Variants in LAMP1 observed in about 807,000 individuals in gnomAD.
LAMP1 encodes lysosome-associated membrane glycoprotein 1.
LAMP1 carries 7 observed loss-of-function variants against 37.5 expected under a neutral mutation model. The ratio of observed to expected loss-of-function variants is 0.19; its 90% CI spans 0.11 to 0.35. The LOEUF is 0.35. LAMP1 is among the 10% of genes least tolerant of loss of function. The probability of loss-of-function intolerance (pLI) is 1.00; values close to 1 mark genes in which losing one functional copy is unlikely to be tolerated. For synonymous variants in LAMP1, 236 were observed against 229.1 expected (o/e 1.03, Z -0.27); for missense variants, 537 against 552.8 (o/e 0.97, Z 0.29).
chr13:113,319,552 A>G lies in LAMP1; in HGVS notation c.646A>G (p.Ser216Gly). Residue 216 changes from serine to glycine, a missense_variant, in exon 5 of 9, where the codon AGC becomes GGC. Coordinates refer to ENST00000332556, the MANE Select transcript of LAMP1 (RefSeq NM_005561.4). Reference sequence around the variant, plus strand: ...CCCCTCGCCCTCACCCGTGCCCAAGAGCCCCTCTGTGGACAAGTACAACGT... The same window carrying G: ...CCCCTCGCCCTCACCCGTGCCCAAGGGCCCCTCTGTGGACAAGTACAACGT... ...PSPSPSPVPK[S>G]PSVDKYNVSG... is the part of the protein sequence containing the mutation. 2 of 1,613,960 alleles carry G rather than the reference A, an allele frequency of 1.2e-6. No individual in the cohort carries two copies. Among genetic ancestry groups the G allele is most frequent in the Admixed American group, 1.7e-5 (1 of 60,004 alleles).
chr13:113,312,852 C>T (rs1232493407), intron 4 of LAMP1, among the ~76,000 whole-genome samples: 1 of 152,156 alleles, frequency 6.6e-6, no homozygotes, highest in Non-Finnish European at 1.5e-5. Flanking sequence ...ATAACTTCAG[C>T]TAGGGGCAGT....
At position 113,310,878 on chromosome 13, in the gene LAMP1, G is replaced by A; in HGVS notation, c.562+11G>A. ...GCTTCAGCCGGGGAGGTAGGACGCT[G>A]ACCCTTGGCCCTCTGGTGCTAGTGG... is the stretch of plus-strand genomic sequence containing the variant. On this transcript the variant is annotated intron_variant, in intron 4 of 8. Coordinates refer to ENST00000332556, the MANE Select transcript of LAMP1 (RefSeq NM_005561.4). 6.2e-7 allele frequency: 1 copy of A among 1,611,816 alleles called. No individual in the cohort carries two copies.
intron 1 of LAMP1, among the ~76,000 whole-genome samples, chr13:113,303,520 G>T (rs1314944929): frequency 6.6e-6 from 1 of 150,946 alleles, no homozygotes; most frequent in African/African-American, 2.4e-5. Context: ...GAGGTTTTTT[G>T]TCTTTTTTTT....
At chr13:113,310,652 CAT>C in intron 3 of LAMP1, 55 bp from the exon 4 acceptor site, 2 of 1,222,466 alleles carry the variant, frequency 1.6e-6, no homozygotes, top group Non-Finnish European at 2.2e-6. Flanking sequence ...ATAAAAAACA[CAT>C]AAACTAAGTA....
At position 113,309,757 on chromosome 13, in the gene LAMP1, C is replaced by T; in HGVS notation, c.298C>T (p.Leu100Phe). ...GATTGCTTTTGGAAGAGGACATACA[C>T]TCACTCTCAATTTCACGAGAAATGC... ...LVIAFGRGHT[L>F]TLNFTRNATR... is the part of the protein sequence containing the mutation. Residue 100 changes from leucine (L) to phenylalanine (F), a missense_variant, in exon 3 of 9, where the codon CTC becomes TTC. Physicochemically the swap from Leu to Phe is conservative, Grantham distance 22 (BLOSUM62 0). Coordinates refer to ENST00000332556, the MANE Select transcript of LAMP1 (RefSeq NM_005561.4). 1 of 1,614,130 alleles carries T rather than the reference C, an allele frequency of 6.2e-7. No homozygotes were observed. The highest frequency in any genetic ancestry group is 8.5e-7 in the Non-Finnish European group (1 of 1,179,976).
At position 113,321,910 on chromosome 13, in the gene LAMP1, GTC is replaced by G; in HGVS notation, c.1114+188_1114+189del. On this transcript the variant is annotated intron_variant, in intron 8 of 8. Transcript: ENST00000332556. The surrounding 1 kb of genome is among the most constrained non-coding windows in gnomAD (Gnocchi z 5.6). ...CCCCTGCTTTAGAGAGGCCCAGCGT[GTC>G]TCTCAGCTGGGAGCCCCTGGTACCA... is the stretch of plus-strand genomic sequence containing the variant. 2 of 629,980 alleles carry G rather than the reference GTC, an allele frequency of 3.2e-6. No homozygotes were observed. The highest frequency in any genetic ancestry group is 5.5e-6 in the Non-Finnish European group (2 of 365,456). The allele number at this position is 629,980 out of a possible 1,614,324, so 39.0% of individuals were successfully genotyped here.
intron 4 of LAMP1, among the ~76,000 whole-genome samples, chr13:113,313,455 C>T (rs925317819): frequency 6.6e-6 from 1 of 152,256 alleles, no homozygotes; most frequent in Non-Finnish European, 1.5e-5. Context: ...CATGTGATTC[C>T]AAATGGAAAA....
At chr13:113,303,516 T>A (rs1226762078) in intron 1 of LAMP1, among the ~76,000 whole-genome samples, 1 of 151,942 alleles carries the variant, frequency 6.6e-6, no homozygotes, top group Non-Finnish European at 1.5e-5. Context: ...ACTTGAGGTT[T>A]TTTGTCTTTT....
chr13:113,302,926 G>A (rs1459286380), intron 1 of LAMP1, among the ~76,000 whole-genome samples: 2 of 152,220 alleles, frequency 1.3e-5, no homozygotes, highest in Non-Finnish European at 2.9e-5. Flanking sequence ...CATGATAACT[G>A]GGATGTGCTT....
chr13:113,298,571 A>G (rs1167889630), intron 1 of LAMP1, among the ~76,000 whole-genome samples: 1 of 152,172 alleles, frequency 6.6e-6, no homozygotes, highest in Non-Finnish European at 1.5e-5. Flanking sequence ...AGTCCCATCC[A>G]GCTGTAAAAC....
Position 113,297,459 on chromosome 13 carries a change from C to G in LAMP1, c.25C>G (p.Arg9Gly). The G allele has an allele frequency of 8.4e-7, 1 of 1,189,582 alleles. No individual in the cohort carries two copies. Among genetic ancestry groups the G allele is most frequent in the Middle Eastern group, 3.2e-4 (1 of 3,136 alleles). The allele number at this position is 1,189,582 out of a possible 1,614,324, so 73.7% of individuals were successfully genotyped here. A position where few individuals can be genotyped will look rare whatever the true frequency, so the allele number is the denominator to read the frequency against. MAAPGSAR[R>G]PLLLLLLLLL... ...CATGGCGGCCCCCGGCAGCGCCCGG[C>G]GACCCCTGCTGCTGCTACTGCTGTT... The change falls in exon 1 of 9, where the codon CGA becomes GGA. Residue 9 changes from arginine to glycine, a missense_variant. Transcript: ENST00000332556. The surrounding 1 kb of genome is among the most constrained non-coding windows in gnomAD (Gnocchi z 4.4).
At position 113,321,347 on chromosome 13, in the gene LAMP1, T is replaced by TAA; in HGVS notation, c.877-55_877-54dup. On this transcript the variant is annotated intron_variant, in intron 6 of 8. Coordinates refer to ENST00000332556, the MANE Select transcript of LAMP1 (RefSeq NM_005561.4). This position sits in a 1 kb window ranked among gnomAD's most constrained non-coding sequence, Gnocchi z 5.6. ...GATAAATGTGTGAATCTACTGGGGT[T>TAA]AAAGATCATCTTTCTATGAATCTGC... The TAA allele has an allele frequency of 7.2e-7, 1 of 1,396,546 alleles. No individual in the cohort carries two copies. The highest frequency in any genetic ancestry group is 1.0e-6 in the Non-Finnish European group (1 of 981,676). The allele number at this position is 1,396,546 out of a possible 1,614,324, so 86.5% of individuals were successfully genotyped here.
At position 113,297,298 on chromosome 13, in the gene LAMP1, C is replaced by T. The variant is rs937200285; in HGVS notation, c.-137C>T. On this transcript the variant is annotated 5_prime_UTR_variant, in exon 1 of 9. Coordinates refer to ENST00000332556, the MANE Select transcript of LAMP1 (RefSeq NM_005561.4). The surrounding 1 kb of genome is among the most constrained non-coding windows in gnomAD (Gnocchi z 4.4). ...CGTGCCGGCGTCGCAGTGGCCGGGC[C>T]TCTTGCGTCTGGTAACGCCGCTGTC... The T allele has an allele frequency of 6.2e-5, 11 of 177,890 alleles. No homozygotes were observed. The highest frequency in any genetic ancestry group is 2.3e-5 in the Non-Finnish European group (2 of 85,722). 11.0% of individuals were successfully genotyped at this position (177,890 alleles called of 1,614,324 possible).
Position 113,321,772 on chromosome 13 carries a change from C to G in LAMP1, c.1114+45C>G, listed in dbSNP as rs750752334. On this transcript the variant is annotated intron_variant, in intron 8 of 8. Coordinates refer to ENST00000332556, the MANE Select transcript of LAMP1 (RefSeq NM_005561.4). This position sits in a 1 kb window ranked among gnomAD's most constrained non-coding sequence, Gnocchi z 5.6. ...GCTGTCGCGGGGTGTGGAGGACGTG[C>G]TTCAGACTCCGCCTGTGGACGTTTA... The G allele has an allele frequency of 1.9e-6, 3 of 1,585,418 alleles. No individual in the cohort carries two copies. The highest frequency in any genetic ancestry group is 2.6e-6 in the Non-Finnish European group (3 of 1,160,316).
rs748252583 is a variant in LAMP1, at chr13:113,321,521, T to C, written c.944-36T>C. 15 of 1,594,322 alleles carry C rather than the reference T, an allele frequency of 9.4e-6. No homozygotes were observed. Among genetic ancestry groups the C allele is most frequent in the Non-Finnish European group, 1.2e-5 (14 of 1,165,902 alleles). ...CCCGCCCCCGCCCGCGCGCCCAGGG[T>C]ATTCTGGAGCCACTAGACCTCTGTG... On this transcript the variant is annotated intron_variant, in intron 7 of 8. Transcript: ENST00000332556. The surrounding 1 kb of genome is among the most constrained non-coding windows in gnomAD (Gnocchi z 5.6).
intron 4 of LAMP1, among the ~76,000 whole-genome samples, chr13:113,313,672 G>A (rs962481953): frequency 8.4e-5 from 12 of 142,814 alleles, no homozygotes; most frequent in African/African-American, 3.0e-4. Context: ...GGAGATGCCC[G>A]TGTGCCTGGG....
chr13:113,314,053 C>A (rs1235371350), intron 4 of LAMP1, among the ~76,000 whole-genome samples: 8 of 86,168 alleles, frequency 9.3e-5, no homozygotes, highest in Non-Finnish European at 1.6e-4. Flanking sequence ...TGTGGAGATG[C>A]CCGTGTGCCT....
chr13:113,311,112 A>C (rs1462344365), intron 4 of LAMP1, among the ~76,000 whole-genome samples: 2 of 151,968 alleles, frequency 1.3e-5, no homozygotes, highest in Non-Finnish European at 2.9e-5. Context: ...CGGGACAGAG[A>C]CAGATGTTGT....
chr13:113,300,710 C>T (rs1200790543), intron 1 of LAMP1, among the ~76,000 whole-genome samples: 1 of 150,086 alleles, frequency 6.7e-6, no homozygotes, highest in East Asian at 2.0e-4. Flanking sequence ...CCCAGTTACT[C>T]AGGAGGCTGA....
Sources: allele counts gnomAD v4.1 joint callset (sites outside exome capture counted in the v4.1 genomes callset), GRCh38; gene constraint gnomAD v4.1.1; non-coding constraint Gnocchi (gnomAD v3.1); transcripts MANE v1.5; gene names NCBI Gene and HGNC (gene_info 2026-07-23, HGNC 2026-07-21).